The following SHMT2 variants were observed in gnomAD, a reference collection of about 807,000 sequenced individuals.
SHMT2 encodes serine hydroxymethyltransferase, mitochondrial.
SHMT2 carries 38 observed loss-of-function variants against 59.6 expected under a neutral mutation model. The ratio of observed to expected loss-of-function variants is 0.64; its 90% CI spans 0.49 to 0.84. The LOEUF (loss-of-function observed/expected upper bound fraction) is 0.84. Among genes scored for constraint, SHMT2 ranks in the 40% least tolerant of loss-of-function variants. SHMT2 has a pLI of 0.00. For synonymous variants in SHMT2, 254 were observed against 258.1 expected, an observed-to-expected ratio of 0.98 and a Z score of 0.15; for missense variants, 533 against 659.5, an observed-to-expected ratio of 0.81 and a Z score of 2.10.
Position 57,232,194 on chromosome 12 carries a change from T to C in SHMT2, c.513-17T>C. 3.1e-6 allele frequency: 5 copies of C among 1,613,044 alleles called. No individual in the cohort carries two copies. The highest frequency in any genetic ancestry group is 4.2e-6 in the Non-Finnish European group (5 of 1,179,028). On this transcript the variant is annotated splice_polypyrimidine_tract_variant and intron_variant, in intron 4 of 11. Transcript: ENST00000328923. ...GGTCCTTCCACCCAGGCCTTCTTACTTCCTCTCACTTCGCAGTCTCACCCA... is the reference window on the plus strand; with the variant it reads ...GGTCCTTCCACCCAGGCCTTCTTACCTCCTCTCACTTCGCAGTCTCACCCA...
chr12:57,234,607 C>A lies in SHMT2; in HGVS notation c.*246C>A. 2.9e-6 allele frequency: 1 copy of A among 349,920 alleles called. No homozygotes were observed. 21.7% of individuals were successfully genotyped at this position (349,920 alleles called of 1,614,324 possible). A position where few individuals can be genotyped will look rare whatever the true frequency, so the allele number is the denominator to read the frequency against. ...TCTGTTTGAACCCCTGTCATGATCACAGTGTCAGAGACGCGTCCTCTTTCT... is the reference window on the plus strand; with the variant it reads ...TCTGTTTGAACCCCTGTCATGATCAAAGTGTCAGAGACGCGTCCTCTTTCT... On this transcript the variant is annotated 3_prime_UTR_variant, in exon 12 of 12. Coordinates refer to ENST00000328923, the MANE Select transcript of SHMT2 (RefSeq NM_005412.6).
intron 2 of SHMT2, 170 bp from the exon 3 acceptor site, chr12:57,231,311 A>C: frequency 1.4e-6 from 1 of 703,282 alleles, no homozygotes; most frequent in East Asian, 2.7e-5. Context: ...CTCATGGCAG[A>C]TGGGTTTCTG....
chr12:57,232,906 T>C, intron 7 of SHMT2, 63 bp downstream of exon 7: 1 of 1,570,854 alleles, frequency 6.4e-7, no homozygotes, highest in Middle Eastern at 2.1e-4. Flanking sequence ...TGGGGCACTG[T>C]TGGCCTGGAC....
chr12:57,231,666 G>A (rs1488004652), intron 3 of SHMT2, 47 bp from the exon 4 acceptor site: 1 of 1,612,662 alleles, frequency 6.2e-7, no homozygotes, highest in Non-Finnish European at 8.5e-7. Flanking sequence ...TTTGCTGATG[G>A]TTGAGAGTCC....
Position 57,234,385 on chromosome 12 carries a change from C to T in SHMT2, c.*24C>T, listed in dbSNP as rs1367457277. 9 of 1,557,504 alleles carry T rather than the reference C, an allele frequency of 5.8e-6. No homozygotes were observed. Among genetic ancestry groups the T allele is most frequent in the Non-Finnish European group, 7.8e-6 (9 of 1,152,216 alleles). On this transcript the variant is annotated 3_prime_UTR_variant, in exon 12 of 12. Coordinates refer to ENST00000328923, the MANE Select transcript of SHMT2 (RefSeq NM_005412.6). ...GAAGGCACCTGGGAAATGAGGCCCA[C>T]AGACTCAAAGTTACTCTCCTTCCCC...
intron 3 of SHMT2, 37 bp downstream of exon 3, chr12:57,231,597 C>T (rs777960534): frequency 8.7e-6 from 14 of 1,612,770 alleles, no homozygotes; most frequent in Admixed American, 5.0e-5. Flanking sequence ...ATGGTGCTCC[C>T]AGTGGGGGAA....
At position 57,231,697 on chromosome 12, in the gene SHMT2, C is replaced by T. The variant is rs1265507383; in HGVS notation, c.312-16C>T. 4 of 1,613,650 alleles carry T rather than the reference C, an allele frequency of 2.5e-6. No homozygotes were observed. The highest frequency in any genetic ancestry group is 1.7e-5 in the Admixed American group (1 of 59,998). ...AGTCCTTTCTCTGTGCCCTCATTAC[C>T]CCTCTCCCACGGCAGATACTATGGG... On this transcript the variant is annotated splice_polypyrimidine_tract_variant and intron_variant, in intron 3 of 11. Coordinates refer to ENST00000328923, the MANE Select transcript of SHMT2 (RefSeq NM_005412.6).
At position 57,233,263 on chromosome 12, in the gene SHMT2, G is replaced by A. The variant is rs775976786; in HGVS notation, c.941G>A (p.Arg314Gln). ...GREIPYTFED[R>Q]INFAVFPSLQ... ...GAGATCCCTTACACATTTGAGGACC[G>A]AATCAACTTTGCCGTGTTCCCATCC... The change falls in exon 8 of 12, where the codon CGA becomes CAA. Residue 314 changes from arginine to glutamine, a missense_variant. Transcript: ENST00000328923. 6.3e-5 allele frequency: 101 copies of A among 1,608,988 alleles called. No individual in the cohort carries two copies. Among genetic ancestry groups the A allele is most frequent in the Non-Finnish European group, 7.5e-5 (88 of 1,177,572 alleles).
intron 1 of SHMT2, chr12:57,230,302 C>T: frequency 8.7e-7 from 1 of 1,155,898 alleles, no homozygotes; most frequent in Non-Finnish European, 1.1e-6. Context: ...ATCCCCACCC[C>T]CACCACTCCC....
At chr12:57,233,947 A>T in intron 10 of SHMT2, 43 bp downstream of exon 10, 1 of 1,614,068 alleles carries the variant, frequency 6.2e-7, no homozygotes, top group Non-Finnish European at 8.5e-7. Flanking sequence ...CCCATGCTGG[A>T]TGACTGCCAG....
In SHMT2 at chr12:57,233,781, C is replaced by T. The variant is rs764786882; in HGVS notation, c.1156C>T (p.Leu386=). Reference sequence around the variant, plus strand: ...TGACAACCACCTGGTGCTGGTGGACCTGCGGCCCAAGGGCCTGGATGGAGC... The same window carrying T: ...TGACAACCACCTGGTGCTGGTGGACTTGCGGCCCAAGGGCCTGGATGGAGC... The part of the protein sequence containing the change: ...GTDNHLVLVD[L]RPKGLDGARA... The change falls in exon 10 of 12, where the codon CTG becomes TTG. Residue 386 remains leucine, a synonymous_variant. Coordinates refer to ENST00000328923, the MANE Select transcript of SHMT2 (RefSeq NM_005412.6). The T allele has an allele frequency of 6.2e-7, 1 of 1,614,226 alleles. No homozygotes were observed. The highest frequency in any genetic ancestry group is 1.1e-5 in the South Asian group (1 of 91,088).
Position 57,234,691 on chromosome 12 carries a change from T to C in SHMT2, c.*330T>C. The stretch of plus-strand genomic sequence containing the variant: ...AGCAGGCAGGGGTGGGTAGGCACCC[T>C]CCTTCCTGTTTTTATCTAATAAAAT... On this transcript the variant is annotated 3_prime_UTR_variant, in exon 12 of 12. Coordinates refer to ENST00000328923, the MANE Select transcript of SHMT2 (RefSeq NM_005412.6). 4.9e-6 allele frequency: 1 copy of C among 204,840 alleles called. No individual in the cohort carries two copies. The highest frequency in any genetic ancestry group is 9.7e-6 in the Non-Finnish European group (1 of 102,812). The allele number at this position is 204,840 out of a possible 1,614,324, so 12.7% of individuals were successfully genotyped here. A position where few individuals can be genotyped will look rare whatever the true frequency, so the allele number is the denominator to read the frequency against.
intron 1 of SHMT2, chr12:57,230,014 A>G (rs1444221023): frequency 3.1e-5 from 45 of 1,430,762 alleles, no homozygotes; most frequent in Non-Finnish European, 3.6e-5. Flanking sequence ...CATTCTGGCG[A>G]TCAGACGCCC....
chr12:57,232,400 G>A (rs749291993), intron 5 of SHMT2, 53 bp from the exon 6 acceptor site: 2 of 1,613,904 alleles, frequency 1.2e-6, no homozygotes, highest in African/African-American at 1.3e-5. Context: ...AAGGAGGAGA[G>A]TGAGCTGCCC....
chr12:57,232,620 T>C, intron 6 of SHMT2, 45 bp downstream of exon 6: 1 of 1,612,814 alleles, frequency 6.2e-7, no homozygotes, highest in South Asian at 1.1e-5. Flanking sequence ...CAGGGGGTGG[T>C]GAGGAGGTGT....
chr12:57,230,157 T>C, intron 1 of SHMT2: 1 of 1,310,960 alleles, frequency 7.6e-7, no homozygotes, highest in Non-Finnish European at 9.9e-7. Context: ...CGGCCAGCTC[T>C]GAGCCCTGCA....
chr12:57,231,779 C>T lies in SHMT2; in HGVS notation c.378C>T (p.Ala126=). 1 of 1,614,068 alleles carries T rather than the reference C, an allele frequency of 6.2e-7. No individual in the cohort carries two copies. Among genetic ancestry groups the T allele is most frequent in the Non-Finnish European group, 8.5e-7 (1 of 1,179,990 alleles). Residue 126 remains alanine (A), a synonymous_variant, in exon 4 of 12, where the codon GCC becomes GCT. Coordinates refer to ENST00000328923, the MANE Select transcript of SHMT2 (RefSeq NM_005412.6). The part of the protein sequence containing the change: ...ELLCQRRALE[A]FDLDPAQWGV... ...TGTGCCAGCGCCGGGCCTTGGAAGCCTTTGACCTGGATCCTGCACAGTGGG... is the reference window on the plus strand; with the variant it reads ...TGTGCCAGCGCCGGGCCTTGGAAGCTTTTGACCTGGATCCTGCACAGTGGG...
Position 57,230,850 on chromosome 12 carries a change from G to C in SHMT2, c.81G>C (p.Gln27His). ...TGGTCAGGATGGCCATTCGGGCTCA[G>C]CACAGCAACGCAGCCCAGACTCAGA... ...GQLVRMAIRA[Q>H]HSNAAQTQTG... The change falls in exon 2 of 12, where the codon CAG (glutamine) becomes CAC (histidine). Residue 27 changes from glutamine to histidine, a missense_variant. By Grantham distance (24) the Gln-to-His change is conservative (BLOSUM62 0). Coordinates refer to ENST00000328923, the MANE Select transcript of SHMT2 (RefSeq NM_005412.6). The C allele has an allele frequency of 6.2e-7, 1 of 1,614,154 alleles. No individual in the cohort carries two copies.
intron 10 of SHMT2, 34 bp downstream of exon 10, chr12:57,233,938 C>A (rs2037441809): frequency 6.2e-7 from 1 of 1,613,990 alleles, no homozygotes; most frequent in African/African-American, 1.3e-5. Flanking sequence ...GAAGGGGCTC[C>A]CATGCTGGAT....
Sources: allele counts gnomAD v4.1 joint callset, GRCh38; gene constraint gnomAD v4.1.1; transcripts MANE v1.5; gene names NCBI Gene and HGNC (gene_info 2026-07-23, HGNC 2026-07-21).